MROH2A: variants seen among roughly 807,000 people sequenced by gnomAD.
MROH2A encodes the protein maestro heat-like repeat-containing protein family member 2A.
Under a neutral mutation model 200.4 loss-of-function variants are expected in MROH2A, and 174 were observed. That is an observed-to-expected ratio of 0.87 (90% confidence interval 0.77 to 0.98). The LOEUF is 0.98. Among genes scored for constraint, MROH2A ranks in the 50% least tolerant of loss-of-function variants. The probability of loss-of-function intolerance (pLI) is 0.00; values close to 1 mark genes in which losing one functional copy is unlikely to be tolerated. For synonymous variants in MROH2A, 829 were observed against 840.4 expected (o/e 0.99, Z 0.23); for missense variants, 2,045 against 2,139.6 (o/e 0.96, Z 0.87).
At chr2:233,777,256 T>C (rs1333211407), upstream of MROH2A, among the ~76,000 whole-genome samples, 1 of 152,216 alleles carries the variant, frequency 6.6e-6, no homozygotes, top group African/African-American at 2.4e-5. Flanking sequence ...GACAGAGATG[T>C]GTTCCACCTA....
chr2:233,792,300 C>T (rs1453084004), intron 5 of MROH2A, among the ~76,000 whole-genome samples: 2 of 151,610 alleles, frequency 1.3e-5, no homozygotes, highest in African/African-American at 4.9e-5. Flanking sequence ...TCCTGTGTCA[C>T]CTGCTTCTAG....
chr2:233,830,294 C>T (rs536773826), intron 38 of MROH2A, among the ~76,000 whole-genome samples: 2 of 152,286 alleles, frequency 1.3e-5, no homozygotes, highest in Admixed American at 6.5e-5. Context: ...CAGGCTAACC[C>T]CGGCTGGCTG....
rs1703884166 is a variant in MROH2A at position 233,820,803 on chromosome 2, C to G, written c.3512+747C>G. ...GAGAAAAGAGTTTTAAAAATAGGCCCCGGCTCCAGAGCCACAAGGGCTGAC... is the reference window on the plus strand; with the variant it reads ...GAGAAAAGAGTTTTAAAAATAGGCCGCGGCTCCAGAGCCACAAGGGCTGAC... On this transcript the variant is annotated intron_variant, in intron 31 of 41. Coordinates refer to ENST00000389758, the MANE Select transcript of MROH2A (RefSeq NM_001394639.1). This position sits in a 1 kb window ranked among gnomAD's most constrained non-coding sequence, Gnocchi z 4.1. Among the ~76,000 whole-genome samples the G allele has an allele frequency of 6.6e-6, 1 of 152,180 alleles. No individual in the cohort carries two copies. Among genetic ancestry groups the G allele is most frequent in the Admixed American group, 6.5e-5 (1 of 15,286 alleles).
intron 35 of MROH2A, among the ~76,000 whole-genome samples, chr2:233,825,581 G>GT: frequency 6.6e-6 from 1 of 152,246 alleles, no homozygotes; most frequent in African/African-American, 2.4e-5. Context: ...TAATCATGTG[G>GT]TTTTGTCTTT....
chr2:233,803,873 A>G (rs1260808992), intron 16 of MROH2A, among the ~76,000 whole-genome samples, 178 bp from the exon 17 acceptor site: 2 of 152,136 alleles, frequency 1.3e-5, no homozygotes, highest in African/African-American at 2.4e-5. Flanking sequence ...GCCCAGGTCT[A>G]GCCCCCATCC....
At position 233,793,794 on chromosome 2, in the gene MROH2A, G is replaced by A; in HGVS notation, c.792G>A (p.Val264=). Reference sequence around the variant, plus strand: ...TGTTCCCCATGTATCGCTACTTCGTGACAGTGTGGCTGAGGCACTACAACC... The same window carrying A: ...TGTTCCCCATGTATCGCTACTTCGTAACAGTGTGGCTGAGGCACTACAACC... The part of the protein sequence containing the change: ...LKVFPMYRYF[V]TVWLRHYNPE... Residue 264 remains valine (V), a synonymous_variant, in exon 7 of 42, where the codon GTG becomes GTA. Coordinates refer to ENST00000389758, the MANE Select transcript of MROH2A (RefSeq NM_001394639.1). 2 of 1,474,926 alleles carry A rather than the reference G, an allele frequency of 1.4e-6. No homozygotes were observed. The highest frequency in any genetic ancestry group is 2.4e-5 in the Admixed American group (1 of 41,876). The allele number at this position is 1,474,926 out of a possible 1,614,324, so 91.4% of individuals were successfully genotyped here.
At chr2:233,816,747 A>C in intron 26 of MROH2A, 34 bp from the exon 27 acceptor site, 7 of 1,467,842 alleles carry the variant, frequency 4.8e-6, no homozygotes, top group South Asian at 1.2e-5. Context: ...CAGGATTTTA[A>C]CACCCACTTT....
chr2:233,796,943 C>T (rs1251435034), intron 11 of MROH2A, among the ~76,000 whole-genome samples: 1 of 152,196 alleles, frequency 6.6e-6, no homozygotes, highest in Non-Finnish European at 1.5e-5. Context: ...CACATTTAAG[C>T]AACAATGAAA....
chr2:233,825,921 C>CTTTGTTTTTTTTTTTTTTT (rs1704272467), intron 35 of MROH2A, among the ~76,000 whole-genome samples: 1 of 95,246 alleles, frequency 1.0e-5, no homozygotes, highest in Non-Finnish European at 1.9e-5. Flanking sequence ...TTTCTTTTTC[C>CTTTGTTTTTTTTTTTTTTT]TTTTTTTTTT....
chr2:233,819,897 C>T lies in MROH2A; in HGVS notation c.3358-5C>T. The T allele has an allele frequency of 1.3e-6, 2 of 1,505,162 alleles. No homozygotes were observed. Among genetic ancestry groups the T allele is most frequent in the Non-Finnish European group, 1.8e-6 (2 of 1,118,678 alleles). The allele number at this position is 1,505,162 out of a possible 1,614,324, so 93.2% of individuals were successfully genotyped here. A position where few individuals can be genotyped will look rare whatever the true frequency, so the allele number is the denominator to read the frequency against. On this transcript the variant is annotated splice_polypyrimidine_tract_variant and splice_region_variant and intron_variant, in intron 30 of 41. Coordinates refer to ENST00000389758, the MANE Select transcript of MROH2A (RefSeq NM_001394639.1). ...GCCCCCCGGTGATGCCCCATCCCTACCTAGGTGGCCGAGATCCTGAGTGCC... is the reference window on the plus strand; with the variant it reads ...GCCCCCCGGTGATGCCCCATCCCTATCTAGGTGGCCGAGATCCTGAGTGCC...
Position 233,796,245 on chromosome 2 carries a change from T to A in MROH2A, c.1184T>A (p.Met395Lys). ...KELMKFFFSQ[M>K]ETNKEAVRVG... ...CTGATGAAGTTCTTCTTCAGCCAGA[T>A]GGAGACAAACAAGGAGGCCGTCCGC... is the stretch of plus-strand genomic sequence containing the variant. The change falls in exon 11 of 42, where the codon ATG (methionine) becomes AAG (lysine). Residue 395 changes from methionine to lysine, a missense_variant. By Grantham distance (95) the Met-to-Lys change is moderately conservative. Transcript: ENST00000389758. The A allele has an allele frequency of 6.6e-7, 1 of 1,519,276 alleles. No individual in the cohort carries two copies. The highest frequency in any genetic ancestry group is 2.6e-5 in the East Asian group (1 of 38,390). 94.1% of individuals were successfully genotyped at this position (1,519,276 alleles called of 1,614,324 possible).
intron 5 of MROH2A, among the ~76,000 whole-genome samples, chr2:233,790,400 A>C (rs13397353): frequency 0.16 from 8,274 of 52,130 alleles, 417 homozygotes; most frequent in Middle Eastern, 0.24. Context: ...CCCTTCCTCC[A>C]TCCCACCCTT....
intron 35 of MROH2A, among the ~76,000 whole-genome samples, chr2:233,824,997 C>T (rs1393531331): frequency 6.6e-6 from 1 of 152,166 alleles, no homozygotes; most frequent in Non-Finnish European, 1.5e-5. Context: ...TCTCTGGTTT[C>T]TTTGAGCAGA....
chr2:233,830,645 TGGTGGCCCAGGTGGGATGGCCCA>T (rs1227369296), intron 38 of MROH2A, among the ~76,000 whole-genome samples: 210 of 81,500 alleles, frequency 2.6e-3, no homozygotes, highest in African/African-American at 6.7e-3. Flanking sequence ...GGGATGGCCC[TGGTGGCCCAGGTGGGATGGCCCA>T]GGTGGCCCTT....
chr2:233,779,460 T>C lies in MROH2A; in HGVS notation c.94+8T>C, dbSNP rs575882985. On this transcript the variant is annotated splice_region_variant and intron_variant, in intron 2 of 41. Transcript: ENST00000389758. ...TTGAATTACATGACAGTGGTAAGAATGTCATCCACATTTCTGCTTTCCTGC... is the reference window on the plus strand; with the variant it reads ...TTGAATTACATGACAGTGGTAAGAACGTCATCCACATTTCTGCTTTCCTGC... 1.9e-6 allele frequency: 3 copies of C among 1,543,496 alleles called. No individual in the cohort carries two copies. The South Asian group carries it at 3.6e-5, about 18-fold the overall frequency.
Position 233,819,420 on chromosome 2 carries a change from C to G in MROH2A, c.3308C>G (p.Thr1103Ser), listed in dbSNP as rs909378119. The change falls in exon 30 of 42, where the codon ACC (threonine) becomes AGC (serine). Residue 1103 changes from threonine to serine, a missense_variant. Physicochemically the swap from Thr to Ser is moderately conservative, Grantham distance 58 (BLOSUM62 1). Coordinates refer to ENST00000389758, the MANE Select transcript of MROH2A (RefSeq NM_001394639.1). The part of the protein sequence containing the change: ...MNLQHDKASV[T>S]WIAFFLQMRA... ...CTGCAGCATGACAAGGCCTCTGTCACCTGGATAGCCTTCTTCCTCCAGATG... is the reference window on the plus strand; with the variant it reads ...CTGCAGCATGACAAGGCCTCTGTCAGCTGGATAGCCTTCTTCCTCCAGATG... The G allele has an allele frequency of 4.2e-5, 65 of 1,550,444 alleles. No homozygotes were observed. In the Admixed American group the frequency reaches 1.3e-3, roughly 30 times the overall value.
Position 233,829,035 on chromosome 2 carries a change from A to G in MROH2A, c.4409A>G (p.Asp1470Gly), listed in dbSNP as rs540770541. Residue 1470 changes from aspartate (D) to glycine (G), a missense_variant, in exon 37 of 42, where the codon GAC (aspartate) becomes GGC (glycine). Physicochemically the swap from Asp to Gly is moderately conservative, Grantham distance 94 (BLOSUM62 -1). Transcript: ENST00000389758. ...GAAGGGGATGTGGGGTCCTCTTTCG[A>G]CGCCATGTCTGAGCAGTGCAGGATC... The part of the protein sequence containing the change: ...LREGDVGSSF[D>G]AMSEQCRIFF... The G allele has an allele frequency of 2.2e-5, 34 of 1,547,874 alleles. No homozygotes were observed. In the African/African-American group the frequency reaches 3.6e-4, roughly 16 times the overall value.
Position 233,798,755 on chromosome 2 carries a change from C to T in MROH2A, c.1253-19C>T. 6.5e-7 allele frequency: 1 copy of T among 1,547,582 alleles called. No individual in the cohort carries two copies. ...CCCTGAGCCACAGCCCTCCAGCCCA[C>T]CCAGTTTTCCTCTTTCAGAGCCCAG... On this transcript the variant is annotated intron_variant, in intron 11 of 41. Transcript: ENST00000389758.
intron 13 of MROH2A, 83 bp from the exon 14 acceptor site, chr2:233,800,122 C>T: frequency 8.8e-7 from 1 of 1,134,540 alleles, no homozygotes; most frequent in Non-Finnish European, 1.3e-6. Flanking sequence ...CATGGAGCCC[C>T]TGGGGAGTGA....
Sources: allele counts gnomAD v4.1 joint callset (sites outside exome capture counted in the v4.1 genomes callset), GRCh38; gene constraint gnomAD v4.1.1; non-coding constraint Gnocchi (gnomAD v3.1); transcripts MANE v1.5; gene names NCBI Gene and HGNC (gene_info 2026-07-23, HGNC 2026-07-21).